The following ANKFN1 variants were observed in gnomAD, a reference collection of about 807,000 sequenced individuals.
ANKFN1 encodes ankyrin repeat and fibronectin type-III domain-containing protein 1.
In ANKFN1, 74 loss-of-function variants were observed where a neutral mutation model predicts 108.7. That is an observed-to-expected ratio of 0.68 (90% CI 0.56 to 0.83). The LOEUF (loss-of-function observed/expected upper bound fraction) is 0.83, where lower values mean the gene tolerates loss of function less well. Among genes scored for constraint, ANKFN1 ranks in the 40% least tolerant of loss-of-function variants. ANKFN1 has a pLI of 0.00. For synonymous variants in ANKFN1, 547 were observed against 516.2 expected, an observed-to-expected ratio of 1.06 and a Z score of -0.81; for missense variants, 1,505 against 1,382.3, an observed-to-expected ratio of 1.09 and a Z score of -1.41.
At chr17:56,116,816 G>GT (rs1906311937) in intron 4 of ANKFN1, among the ~76,000 whole-genome samples, 1 of 152,102 alleles carries the variant, frequency 6.6e-6, no homozygotes, top group South Asian at 2.1e-4. Context: ...ATTGCATTAA[G>GT]TTAAAATGTG....
intron 4 of ANKFN1, among the ~76,000 whole-genome samples, chr17:56,094,474 C>CTTTTTTTTTTTTTTTTTTT (rs60149030): frequency 1.3e-5 from 1 of 75,974 alleles, no homozygotes. Flanking sequence ...GTTGTTTCTT[C>CTTTTTTTTTTTTTTTTTTT]TTTTTTTTTT....
In ANKFN1 at chr17:56,449,124, G is replaced by A; in HGVS notation, c.1145G>A (p.Ser382Asn). 1 of 1,613,610 alleles carries A rather than the reference G, an allele frequency of 6.2e-7. No individual in the cohort carries two copies. The highest frequency in any genetic ancestry group is 8.5e-7 in the Non-Finnish European group (1 of 1,179,666). ...DDREPRHKGQSEVLEGLLQQV... is the reference protein window; with the variant it reads ...DDREPRHKGQNEVLEGLLQQV... The stretch of plus-strand genomic sequence containing the variant: ...AGAGAGCCCAGACACAAGGGACAGA[G>A]TGAAGTTTTGGAAGGTCTGCTGCAG... The change falls in exon 11 of 21, where the codon AGT (serine) becomes AAT (asparagine). Residue 382 changes from serine to asparagine, a missense_variant. Transcript: ENST00000682825.
intron 4 of ANKFN1, among the ~76,000 whole-genome samples, chr17:56,068,291 T>G (rs578112120): frequency 6.6e-6 from 1 of 152,260 alleles, no homozygotes; most frequent in East Asian, 1.9e-4. Context: ...ATGATGGAAC[T>G]ATTTACAAAG....
chr17:56,395,046 T>C (rs180892966), intron 8 of ANKFN1, among the ~76,000 whole-genome samples: 74 of 151,940 alleles, frequency 4.9e-4, no homozygotes, highest in South Asian at 2.5e-3. Context: ...CTTTGGGAGG[T>C]TGGGGGTGGA....
chr17:56,283,077 A>G (rs2144256843), intron 3 of ANKFN1, among the ~76,000 whole-genome samples: 1 of 152,256 alleles, frequency 6.6e-6, no homozygotes, highest in East Asian at 1.9e-4. Context: ...CACCCAGGTA[A>G]TAAGCATGGT....
At chr17:56,259,492 C>T (rs1364639523) in intron 3 of ANKFN1, among the ~76,000 whole-genome samples, 2 of 152,054 alleles carry the variant, frequency 1.3e-5, no homozygotes, top group Non-Finnish European at 2.9e-5. Context: ...TATGGATTGT[C>T]CCTGTTTTGT....
chr17:56,311,854 C>A (rs1441880178), intron 3 of ANKFN1, among the ~76,000 whole-genome samples: 1 of 152,098 alleles, frequency 6.6e-6, no homozygotes, highest in Non-Finnish European at 1.5e-5. Flanking sequence ...AGAAAAAATC[C>A]AAAATCTGAA....
rs539928853 is a variant in ANKFN1, at chr17:56,450,492, G to A, written c.1207+1306G>A. On this transcript the variant is annotated intron_variant, in intron 11 of 20. Transcript: ENST00000682825. ...TTCATTAGGATATGTAAATATGCAT[G>A]CAGTAGCTCTGAAACCCAAGTGGGA... is the stretch of plus-strand genomic sequence containing the variant. 2.6e-5 allele frequency among the ~76,000 whole-genome samples: 4 copies of A among 152,286 alleles called. No individual in the cohort carries two copies. In the South Asian group the frequency reaches 8.3e-4, roughly 32 times the overall value.
At position 56,432,179 on chromosome 17, in the gene ANKFN1, T is replaced by C. The variant is rs562955458; in HGVS notation, c.911-8148T>C. The stretch of plus-strand genomic sequence containing the variant: ...ACATCCATTACAGTTTTTTAAAAGC[T>C]CATACTTTTTTCATGAACAAAAATT... On this transcript the variant is annotated intron_variant, in intron 8 of 20. Coordinates refer to ENST00000682825, the MANE Select transcript of ANKFN1 (RefSeq NM_001370326.1). 2.3e-3 allele frequency among the ~76,000 whole-genome samples: 355 copies of C among 152,318 alleles called. 3 individuals are homozygous for C. Among genetic ancestry groups the C allele is most frequent in the Non-Finnish European group, 4.1e-3 (282 of 68,036 alleles).
chr17:56,475,253 A>C (rs973055409), intron 15 of ANKFN1, among the ~76,000 whole-genome samples: 1 of 152,194 alleles, frequency 6.6e-6, no homozygotes, highest in Non-Finnish European at 1.5e-5. Flanking sequence ...AACTGATTTC[A>C]ATATATTGTG....
intron 4 of ANKFN1, among the ~76,000 whole-genome samples, chr17:56,089,240 T>G (rs1251651276): frequency 1.3e-5 from 2 of 151,460 alleles, no homozygotes; most frequent in East Asian, 3.8e-4. Flanking sequence ...TACATTTACA[T>G]TAACCTTTTT....
chr17:56,327,199 C>T (rs1184673253), intron 4 of ANKFN1, among the ~76,000 whole-genome samples: 1 of 152,156 alleles, frequency 6.6e-6, no homozygotes, highest in Non-Finnish European at 1.5e-5. Context: ...AAGAGGTAGG[C>T]CAACCTCAGC....
rs141510521 is a variant in ANKFN1 at position 56,341,961 on chromosome 17, T to G, written c.189-8805T>G. 7.4e-3 allele frequency among the ~76,000 whole-genome samples: 1,118 copies of G among 152,108 alleles called. 19 individuals carry two copies. The highest frequency in any genetic ancestry group is 0.026 in the African/African-American group (1,060 of 41,498). On this transcript the variant is annotated intron_variant, in intron 4 of 20. Coordinates refer to ENST00000682825, the MANE Select transcript of ANKFN1 (RefSeq NM_001370326.1). The stretch of plus-strand genomic sequence containing the variant: ...GGGCTTTTTTTGCTTGGTAGGCTAT[T>G]TATTACTGCATCAATTTCAGAACTC...
chr17:56,434,478 GA>G (rs967900752), intron 8 of ANKFN1, among the ~76,000 whole-genome samples: 110 of 151,894 alleles, frequency 7.2e-4, no homozygotes, highest in African/African-American at 2.1e-3. Context: ...TTAATTTGGG[GA>G]AAAAAAATGT....
chr17:56,081,314 TTTGTC>T (rs752866131), intron 4 of ANKFN1, among the ~76,000 whole-genome samples: 9 of 152,106 alleles, frequency 5.9e-5, no homozygotes, highest in Non-Finnish European at 1.0e-4. Context: ...GGTTTAACCT[TTTGTC>T]TTAAGGTTTT....
At chr17:56,227,669 C>G (rs571914957) in intron 2 of ANKFN1, among the ~76,000 whole-genome samples, 39 of 152,222 alleles carry the variant, frequency 2.6e-4, no homozygotes, top group Non-Finnish European at 5.0e-4. Context: ...TCTTGAAATT[C>G]TAGGATACTA....
chr17:56,161,808 T>G (rs937019694), intron 1 of ANKFN1, among the ~76,000 whole-genome samples: 2 of 152,308 alleles, frequency 1.3e-5, no homozygotes, highest in South Asian at 4.1e-4. Flanking sequence ...ATATAATTGC[T>G]TGCAAGCTAT....
At chr17:56,133,418 T>C (rs1907401440) in intron 4 of ANKFN1, among the ~76,000 whole-genome samples, 1 of 152,154 alleles carries the variant, frequency 6.6e-6, no homozygotes, top group South Asian at 2.1e-4. Context: ...TTTGCTTTCG[T>C]CTCCTACTGT....
intron 4 of ANKFN1, among the ~76,000 whole-genome samples, chr17:56,345,506 C>A (rs1473772230): frequency 3.3e-5 from 5 of 152,170 alleles, no homozygotes; most frequent in Non-Finnish European, 7.3e-5. Context: ...TACACTCCCA[C>A]CAACAGTGTA....
Sources: gnomAD v4.1 joint callset for allele counts (sites outside exome capture counted in the v4.1 genomes callset) on GRCh38, gnomAD v4.1.1 for gene constraint, MANE v1.5 for transcripts, NCBI Gene and HGNC (gene_info 2026-07-23, HGNC 2026-07-21) for gene names.